The following GTF2I variants were observed in gnomAD, a reference collection of about 807,000 sequenced individuals.
GTF2I encodes general transcription factor IIi, also known as general transcription factor II-I.
In GTF2I, 12 loss-of-function variants were observed where a neutral mutation model predicts 67.6. The observed-to-expected ratio is 0.18, with a 90% CI of 0.11 to 0.29. The LOEUF is 0.29. Among genes scored for constraint, GTF2I ranks in the 10% least tolerant of loss-of-function variants. GTF2I has a pLI of 1.00. For missense variants in GTF2I, 271 were observed against 580.1 expected, an observed-to-expected ratio of 0.47 and a Z score of 5.47; for synonymous variants, 149 against 197.0, an observed-to-expected ratio of 0.76 and a Z score of 2.04.
At chr7:74,723,280 C>T (rs967790184) in intron 12 of GTF2I, among the ~76,000 whole-genome samples, 6 of 151,754 alleles carry the variant, frequency 4.0e-5, no homozygotes, top group African/African-American at 1.5e-4. Flanking sequence ...CGCCCGCCAC[C>T]ATGCCTGGCT....
intron 12 of GTF2I, among the ~76,000 whole-genome samples, chr7:74,721,243 C>T (rs2131455101): frequency 6.6e-6 from 1 of 152,266 alleles, no homozygotes; most frequent in Middle Eastern, 3.4e-3. Context: ...GTTTCTCCAT[C>T]TTGGTCAGGC....
chr7:74,688,858 C>G, intron 1 of GTF2I: 1 of 372,078 alleles, frequency 2.7e-6, no homozygotes, highest in African/African-American at 2.1e-5. Context: ...GGAGAAATTT[C>G]ACTGATTCTG....
intron 6 of GTF2I, among the ~76,000 whole-genome samples, chr7:74,702,856 C>T (rs1053014534): frequency 2.0e-5 from 3 of 151,726 alleles, no homozygotes; most frequent in African/African-American, 7.3e-5. Context: ...GCCTCAGCTT[C>T]TCAGTAGCTA....
chr7:74,710,270 G>C (rs1236988281), intron 8 of GTF2I, among the ~76,000 whole-genome samples: 1 of 152,178 alleles, frequency 6.6e-6, no homozygotes, highest in East Asian at 1.9e-4. Flanking sequence ...GGGTTGGTAT[G>C]ACTGTGGTTG....
intron 14 of GTF2I, among the ~76,000 whole-genome samples, chr7:74,732,158 T>TATATAC (rs1156376066): frequency 2.7e-5 from 4 of 148,380 alleles, no homozygotes; most frequent in African/African-American, 9.9e-5. Context: ...TATATATATA[T>TATATAC]ACATAAACAC....
intron 12 of GTF2I, among the ~76,000 whole-genome samples, chr7:74,728,356 C>T (rs1312048321): frequency 6.6e-6 from 1 of 151,574 alleles, no homozygotes; most frequent in Non-Finnish European, 1.5e-5. Flanking sequence ...ATTTCCCTTG[C>T]TTATGCATGC....
At chr7:74,747,828 G>A (rs1354509737) in intron 23 of GTF2I, among the ~76,000 whole-genome samples, 187 bp from the exon 24 acceptor site, 3 of 130,056 alleles carry the variant, frequency 2.3e-5, no homozygotes, top group African/African-American at 5.4e-5. Flanking sequence ...AAGAAGAAGA[G>A]AAGAAAAATG....
intron 1 of GTF2I, among the ~76,000 whole-genome samples, chr7:74,683,732 C>T (rs2131265928): frequency 6.6e-6 from 1 of 152,006 alleles, no homozygotes; most frequent in East Asian, 1.9e-4. Context: ...GGGCGCCTGT[C>T]ATCCCAGCTA....
In GTF2I at chr7:74,662,511, CTTTTTTTTTTTTTTTT is replaced by C. The variant is rs1161320476; in HGVS notation, c.-6+4457_-6+4472del. Reference sequence around the variant, plus strand: ...AGGCGTGAGCCACTGCACCTGGACCCTTTTTTTTTTTTTTTTTTTTTTTTTTTTTGAGACACAGTCT... The same window carrying C: ...AGGCGTGAGCCACTGCACCTGGACCCTTTTTTTTTTTTTGAGACACAGTCT... On this transcript the variant is annotated intron_variant, in intron 1 of 34. Transcript: ENST00000573035. Among the ~76,000 whole-genome samples, 52 of 50,220 alleles carry C rather than the reference CTTTTTTTTTTTTTTTT, an allele frequency of 1.0e-3. 2 individuals are homozygous for C. The highest frequency in any genetic ancestry group is 5.4e-3 in the Admixed American group (16 of 2,972). 32.9% of individuals were successfully genotyped at this position (50,220 alleles called of 152,430 possible). A position where few individuals can be genotyped will look rare whatever the true frequency, so the allele number is the denominator to read the frequency against.
chr7:74,700,063 G>A, intron 4 of GTF2I, 184 bp from the exon 5 acceptor site: 2 of 584,886 alleles, frequency 3.4e-6, no homozygotes, highest in East Asian at 5.8e-5. Context: ...TGGCCCTTCG[G>A]ATCAGTTTCA....
At chr7:74,726,384 T>G (rs1793781141) in intron 12 of GTF2I, 1 of 152,182 alleles carries the variant, frequency 6.6e-6, no homozygotes. Flanking sequence ...AAAAAGTATA[T>G]TTTCAGAATT....
At chr7:74,666,041 A>C (rs782135935) in intron 1 of GTF2I, among the ~76,000 whole-genome samples, 1 of 151,842 alleles carries the variant, frequency 6.6e-6, no homozygotes, top group Non-Finnish European at 1.5e-5. Flanking sequence ...GGGTTTTACT[A>C]TATGTTGGCC....
intron 12 of GTF2I, among the ~76,000 whole-genome samples, chr7:74,721,611 A>G (rs587602387): frequency 1.2e-3 from 184 of 152,152 alleles, no homozygotes; most frequent in African/African-American, 4.2e-3. Context: ...TAAGAAGATA[A>G]AAAACTGTCT....
intron 1 of GTF2I, among the ~76,000 whole-genome samples, chr7:74,674,286 G>A (rs1172046343): frequency 1.3e-5 from 2 of 151,858 alleles, no homozygotes; most frequent in Non-Finnish European, 2.9e-5. Context: ...AGCTGGTGTC[G>A]AACTCTTGGT....
intron 14 of GTF2I, among the ~76,000 whole-genome samples, chr7:74,732,156 T>TAC (rs1774796940): frequency 6.7e-6 from 1 of 148,644 alleles, no homozygotes; most frequent in Admixed American, 6.8e-5. Context: ...TATATATATA[T>TAC]ATACATAAAC....
intron 18 of GTF2I, among the ~76,000 whole-genome samples, chr7:74,737,248 T>G (rs1794882007): frequency 6.7e-6 from 1 of 149,684 alleles, no homozygotes; most frequent in East Asian, 2.0e-4. Context: ...TGAGCGTTTT[T>G]AAGGGAGAAG....
intron 2 of GTF2I, among the ~76,000 whole-genome samples, chr7:74,690,052 A>G (rs928031461): frequency 1.3e-5 from 2 of 152,008 alleles, no homozygotes; most frequent in Admixed American, 6.6e-5. Flanking sequence ...TATCTCTACT[A>G]AAAATACAAA....
chr7:74,696,945 G>A (rs1165875331), intron 3 of GTF2I, among the ~76,000 whole-genome samples: 5 of 151,640 alleles, frequency 3.3e-5, no homozygotes, highest in South Asian at 2.1e-4. Flanking sequence ...TTAGAAAAGC[G>A]TTGTTCAGCA....
At chr7:74,666,536 G>A (rs1040490139) in intron 1 of GTF2I, among the ~76,000 whole-genome samples, 6 of 151,458 alleles carry the variant, frequency 4.0e-5, no homozygotes, top group Non-Finnish European at 7.4e-5. Context: ...CCCCCGGTAA[G>A]CATTAAAAAA....
Sources: allele counts gnomAD v4.1 joint callset (sites outside exome capture counted in the v4.1 genomes callset), GRCh38; gene constraint gnomAD v4.1.1; transcripts MANE v1.5; gene names NCBI Gene and HGNC (gene_info 2026-07-23, HGNC 2026-07-21).